Variants in SDR9C7 observed in about 807,000 individuals in gnomAD.
SDR9C7 encodes short-chain dehydrogenase/reductase family 9C member 7.
Under a neutral mutation model 23.6 loss-of-function variants are expected in SDR9C7, and 11 were observed. That is an observed-to-expected ratio of 0.47 (90% CI 0.29 to 0.77). SDR9C7 has a LOEUF of 0.77. Among genes scored for constraint, SDR9C7 ranks in the 30% least tolerant of loss-of-function variants. The probability of loss-of-function intolerance (pLI) is 0.09; values close to 1 mark genes in which losing one functional copy is unlikely to be tolerated. For synonymous variants in SDR9C7, 167 were observed against 157.3 expected (o/e 1.06, Z -0.46); for missense variants, 387 against 407.1 (o/e 0.95, Z 0.42).
intron 2 of SDR9C7, among the ~76,000 whole-genome samples, chr12:56,929,948 T>C (rs148581882): frequency 1.3e-5 from 2 of 152,272 alleles, no homozygotes; most frequent in African/African-American, 4.8e-5. Flanking sequence ...GTCTGTCTGT[T>C]TGGGGGACTC....
rs200344172 is a variant in SDR9C7 at position 56,930,250 on chromosome 12, A to T, written c.536T>A (p.Val179Asp). ...GGGYCVSKFG[V>D]EAFSDSIRRE... ...CCTTATGCTGTCAGAGAAGGCCTCA[A>T]CGCCAAACTTGGAGACGCAGTAGCC... The change falls in exon 2 of 4, where the codon GTT (valine) becomes GAT (aspartate). Residue 179 changes from valine (V) to aspartate (D), a missense_variant. By Grantham distance (152) the Val-to-Asp change is radical. Transcript: ENST00000293502. 1 of 1,614,142 alleles carries T rather than the reference A, an allele frequency of 6.2e-7. No homozygotes were observed. The highest frequency in any genetic ancestry group is 8.5e-7 in the Non-Finnish European group (1 of 1,180,026).
chr12:56,929,372 C>A lies in SDR9C7; in HGVS notation c.724+18G>T, dbSNP rs145955113. 1.6e-4 allele frequency: 259 copies of A among 1,592,464 alleles called. 2 individuals are homozygous for A. In the East Asian group the frequency reaches 5.6e-3, roughly 34 times the overall value. On this transcript the variant is annotated intron_variant, in intron 3 of 3. Transcript: ENST00000293502. ...ACTCGCCCCCCTCAGAGACCCCTCT[C>A]CTGCCCCAGGAACTTACAGATGCGG...
chr12:56,928,326 C>G (rs934346955), intron 3 of SDR9C7, among the ~76,000 whole-genome samples: 15 of 152,172 alleles, frequency 9.9e-5, no homozygotes, highest in Non-Finnish European at 4.4e-5. Context: ...CCCTTCCCAG[C>G]AACACCTAAC....
chr12:56,933,706 C>T (rs1031459588), intron 1 of SDR9C7, among the ~76,000 whole-genome samples: 1 of 152,190 alleles, frequency 6.6e-6, no homozygotes, highest in South Asian at 2.1e-4. Flanking sequence ...CATCTTCCCC[C>T]CTCGCTTCCT....
intron 3 of SDR9C7, among the ~76,000 whole-genome samples, chr12:56,928,404 T>G (rs1268106989): frequency 6.6e-6 from 1 of 152,206 alleles, no homozygotes; most frequent in Non-Finnish European, 1.5e-5. Context: ...GGACCGCAAC[T>G]TCCTGCTCCA....
At position 56,933,408 on chromosome 12, in the gene SDR9C7, G is replaced by A. The variant is rs541615931; in HGVS notation, c.301+553C>T. On this transcript the variant is annotated intron_variant, in intron 1 of 3. Coordinates refer to ENST00000293502, the MANE Select transcript of SDR9C7 (RefSeq NM_148897.3). Reference sequence around the variant, plus strand: ...GGATTCTTGCTCTGTCACGAGGCTGGAGTGCAGTGGCGCAATCTTGGCTCA... The same window carrying A: ...GGATTCTTGCTCTGTCACGAGGCTGAAGTGCAGTGGCGCAATCTTGGCTCA... Among the ~76,000 whole-genome samples, 4 of 152,144 alleles carry A rather than the reference G, an allele frequency of 2.6e-5. 1 individual carries two copies. The highest frequency in any genetic ancestry group is 2.6e-4 in the Admixed American group (4 of 15,286).
chr12:56,932,076 C>T (rs1347059739), intron 1 of SDR9C7, among the ~76,000 whole-genome samples: 2 of 152,204 alleles, frequency 1.3e-5, no homozygotes, highest in African/African-American at 2.4e-5. Flanking sequence ...AATGGTCCCC[C>T]AAAGATGTCC....
chr12:56,933,996 G>T lies in SDR9C7; in HGVS notation c.266C>A (p.Ala89Glu). 6.2e-7 allele frequency: 1 copy of T among 1,611,068 alleles called. No individual in the cohort carries two copies. Among genetic ancestry groups the T allele is most frequent in the African/African-American group, 1.3e-5 (1 of 74,974 alleles). Reference sequence around the variant, plus strand: ...CACTTTGTCCCTCACCCACTGGGCCGCCGCCTTGATGCTTTCGCTCTTGGT... The same window carrying T: ...CACTTTGTCCCTCACCCACTGGGCCTCCGCCTTGATGCTTTCGCTCTTGGT... Reference protein sequence around the residue: ...DVTKSESIKAAAQWVRDKVGE... With the variant: ...DVTKSESIKAEAQWVRDKVGE... Residue 89 changes from alanine (A) to glutamate (E), a missense_variant, in exon 1 of 4, where the codon GCG becomes GAG. Ala to Glu is a moderately radical substitution (Grantham distance 107). Coordinates refer to ENST00000293502, the MANE Select transcript of SDR9C7 (RefSeq NM_148897.3).
rs745436474 is a variant in SDR9C7 at position 56,929,352 on chromosome 12, C to T, written c.724+38G>A. ...AGCTAATGACCCCAAGACCCACTCG[C>T]CCCCCTCAGAGACCCCTCTCCTGCC... On this transcript the variant is annotated intron_variant, in intron 3 of 3. Coordinates refer to ENST00000293502, the MANE Select transcript of SDR9C7 (RefSeq NM_148897.3). 2.8e-5 allele frequency: 44 copies of T among 1,585,704 alleles called. No homozygotes were observed. In the Middle Eastern group the frequency reaches 6.8e-4, roughly 24 times the overall value.
Position 56,930,388 on chromosome 12 carries a change from T to A in SDR9C7, c.398A>T (p.Asn133Ile), listed in dbSNP as rs574035876. 8.7e-6 allele frequency: 14 copies of A among 1,614,072 alleles called. No homozygotes were observed. The highest frequency in any genetic ancestry group is 1.1e-5 in the Non-Finnish European group (13 of 1,180,020). Reference sequence around the variant, plus strand: ...GGTCACTTCGATCAGTCCCACCAGGTTCACATTAATCACCTTCACAAAGTC... The same window carrying A: ...GGTCACTTCGATCAGTCCCACCAGGATCACATTAATCACCTTCACAAAGTC... ...KDDFVKVINVNLVGLIEVTLH... is the reference protein window; with the variant it reads ...KDDFVKVINVILVGLIEVTLH... The change falls in exon 2 of 4, where the codon AAC (asparagine) becomes ATC (isoleucine). Residue 133 changes from asparagine to isoleucine, a missense_variant. Transcript: ENST00000293502.
intron 3 of SDR9C7, among the ~76,000 whole-genome samples, chr12:56,928,905 G>C (rs1955750035): frequency 6.6e-6 from 1 of 152,166 alleles, no homozygotes; most frequent in South Asian, 2.1e-4. Context: ...CAAGCACTCA[G>C]AATGTGCAAA....
rs774451142 is a variant in SDR9C7 at position 56,934,280 on chromosome 12, T to A, written c.-19A>T. 6.2e-7 allele frequency: 1 copy of A among 1,600,824 alleles called. No individual in the cohort carries two copies. On this transcript the variant is annotated 5_prime_UTR_variant, in exon 1 of 4. Coordinates refer to ENST00000293502, the MANE Select transcript of SDR9C7 (RefSeq NM_148897.3). ...CCGCCATAGGGCAAGGGGAATGTGATGGCCAAGAGGGACTGGGCTCAGGAG... is the reference window on the plus strand; with the variant it reads ...CCGCCATAGGGCAAGGGGAATGTGAAGGCCAAGAGGGACTGGGCTCAGGAG...
At chr12:56,927,310 T>G (rs1297853719) in intron 3 of SDR9C7, among the ~76,000 whole-genome samples, 2 of 152,240 alleles carry the variant, frequency 1.3e-5, no homozygotes, top group African/African-American at 4.8e-5. Flanking sequence ...AGAAAATGAC[T>G]TTGTGAGGTT....
intron 3 of SDR9C7, among the ~76,000 whole-genome samples, chr12:56,924,746 C>G (rs1955722037): frequency 6.6e-6 from 1 of 152,224 alleles, no homozygotes; most frequent in African/African-American, 2.4e-5. Flanking sequence ...CATGGTGACA[C>G]CTTGTCTCTA....
At position 56,934,241 on chromosome 12, in the gene SDR9C7, G is replaced by C; in HGVS notation, c.21C>G (p.Leu7=). The C allele has an allele frequency of 6.2e-7, 1 of 1,613,726 alleles. No homozygotes were observed. The highest frequency in any genetic ancestry group is 8.5e-7 in the Non-Finnish European group (1 of 1,179,688). Residue 7 remains leucine, a synonymous_variant, in exon 1 of 4, where the codon CTC becomes CTG. Transcript: ENST00000293502. ...TCTTGAACCAGCGATACATAAATGA[G>C]AGGTCTGTGAGGGCCGCCATAGGGC... MAALTD[L]SFMYRWFKNC...
At chr12:56,933,113 A>C (rs1329999648) in intron 1 of SDR9C7, among the ~76,000 whole-genome samples, 1 of 152,152 alleles carries the variant, frequency 6.6e-6, no homozygotes, top group African/African-American at 2.4e-5. Flanking sequence ...TCCCAATAGG[A>C]GCAGCCACTG....
At position 56,923,973 on chromosome 12, in the gene SDR9C7, T is replaced by G; in HGVS notation, c.802A>C (p.Ile268Leu). Residue 268 changes from isoleucine to leucine, a missense_variant, in exon 4 of 4, where the codon ATT becomes CTT. Transcript: ENST00000293502. ...CGGATGCGAGGGCTCCGGGAAACAA[T>G]AGCATGCTCCATGCTGTTGATGACA... ...RDVINSMEHAIVSRSPRIRYN... is the reference protein window; with the variant it reads ...RDVINSMEHALVSRSPRIRYN... 2 of 1,613,872 alleles carry G rather than the reference T, an allele frequency of 1.2e-6. No individual in the cohort carries two copies. Among genetic ancestry groups the G allele is most frequent in the South Asian group, 1.1e-5 (1 of 91,072 alleles).
Position 56,923,389 on chromosome 12 carries a change from T to A in SDR9C7, c.*444A>T, listed in dbSNP as rs1955710974. ...CCGCATACTTCAGTAATGGGTTATG[T>A]GAATGAAGTTATGCATATTGAGGGA... On this transcript the variant is annotated 3_prime_UTR_variant, in exon 4 of 4. Transcript: ENST00000293502. 1 of 156,248 alleles carries A rather than the reference T, an allele frequency of 6.4e-6. No individual in the cohort carries two copies. Among genetic ancestry groups the A allele is most frequent in the African/African-American group, 2.4e-5 (1 of 41,536 alleles). 9.7% of individuals were successfully genotyped at this position (156,248 alleles called of 1,614,324 possible). A position where few individuals can be genotyped will look rare whatever the true frequency, so the allele number is the denominator to read the frequency against.
In SDR9C7 at chr12:56,929,354, C is replaced by A. The variant is rs1335177743; in HGVS notation, c.724+36G>T. On this transcript the variant is annotated intron_variant, in intron 3 of 3. Coordinates refer to ENST00000293502, the MANE Select transcript of SDR9C7 (RefSeq NM_148897.3). ...CTAATGACCCCAAGACCCACTCGCC[C>A]CCCTCAGAGACCCCTCTCCTGCCCC... is the stretch of plus-strand genomic sequence containing the variant. The A allele has an allele frequency of 1.9e-6, 3 of 1,587,322 alleles. No individual in the cohort carries two copies. The Admixed American group carries it at 5.0e-5, about 27-fold the overall frequency.
Sources: allele counts gnomAD v4.1 joint callset (sites outside exome capture counted in the v4.1 genomes callset), GRCh38; gene constraint gnomAD v4.1.1; transcripts MANE v1.5; gene names NCBI Gene and HGNC (gene_info 2026-07-23, HGNC 2026-07-21).